The following MAST4 variants were observed in gnomAD, a reference collection of about 807,000 sequenced individuals.
The protein encoded by MAST4 is microtubule associated serine/threonine kinase family member 4, also known as microtubule-associated serine/threonine-protein kinase 4.
A neutral mutation model predicts 162.7 loss-of-function variants in MAST4; 89 were observed. The ratio of observed to expected loss-of-function variants is 0.55; its 90% CI spans 0.46 to 0.65. MAST4 has a LOEUF of 0.65. Among genes scored for constraint, MAST4 ranks in the 30% least tolerant of loss-of-function variants. The pLI is 0.00. For synonymous variants in MAST4, 1,479 were observed against 1,361.1 expected, an observed-to-expected ratio of 1.09 and a Z score of -1.91; for missense variants, 3,153 against 3,374.0, an observed-to-expected ratio of 0.93 and a Z score of 1.62.
chr5:66,954,857 C>T (rs769833493), intron 4 of MAST4, among the ~76,000 whole-genome samples: 11 of 150,432 alleles, frequency 7.3e-5, no homozygotes, highest in East Asian at 3.9e-4. Context: ...GCCGAGATCA[C>T]GCTACTGCAC....
rs540132796 is a variant in MAST4 at position 66,895,470 on chromosome 5, C to T, written c.643-4481C>T. ...CTAGTTGCCTGTTTGGAATCTTCTA[C>T]TTGGAATTCTTACAGACAGACATCT... On this transcript the variant is annotated intron_variant, in intron 3 of 28. Coordinates refer to ENST00000403625, the MANE Select transcript of MAST4 (RefSeq NM_001164664.2). 3.3e-4 allele frequency among the ~76,000 whole-genome samples: 50 copies of T among 152,192 alleles called. No individual in the cohort carries two copies. The South Asian group carries it at 0.01, about 31-fold the overall frequency.
intron 1 of MAST4, among the ~76,000 whole-genome samples, chr5:66,614,961 C>G (rs1220729918): frequency 2.0e-5 from 3 of 152,186 alleles, no homozygotes; most frequent in Non-Finnish European, 4.4e-5. Context: ...AAATCTGGGT[C>G]TTTCACTTTG....
intron 15 of MAST4, among the ~76,000 whole-genome samples, 174 bp downstream of exon 15, chr5:67,130,592 C>T (rs1179387052): frequency 6.6e-6 from 1 of 152,154 alleles, no homozygotes; most frequent in Non-Finnish European, 1.5e-5. Context: ...TGTAAAGTGC[C>T]TGCTCTACTA....
chr5:66,749,823 AC>A (rs1753024014), intron 1 of MAST4, among the ~76,000 whole-genome samples: 1 of 152,226 alleles, frequency 6.6e-6, no homozygotes, highest in South Asian at 2.1e-4. Context: ...TGGGCTTGTA[AC>A]CACTGTGGAA....
intron 4 of MAST4, among the ~76,000 whole-genome samples, chr5:66,970,545 C>T: frequency 6.6e-6 from 1 of 152,312 alleles, no homozygotes. Flanking sequence ...TAGACACCTA[C>T]ATGTTCCAGG....
chr5:66,868,629 T>A (rs1760710255), intron 3 of MAST4, among the ~76,000 whole-genome samples: 1 of 152,096 alleles, frequency 6.6e-6, no homozygotes, highest in South Asian at 2.1e-4. Context: ...CATATGCAAT[T>A]TATTAAATGA....
chr5:66,631,525 GA>G (rs1561225506), intron 1 of MAST4, among the ~76,000 whole-genome samples: 1 of 152,146 alleles, frequency 6.6e-6, no homozygotes, highest in Non-Finnish European at 1.5e-5. Context: ...TGAGCTGTGG[GA>G]AAACAGAGTT....
chr5:66,980,149 A>G (rs957464714), intron 4 of MAST4, among the ~76,000 whole-genome samples: 10 of 152,186 alleles, frequency 6.6e-5, no homozygotes, highest in Non-Finnish European at 1.3e-4. Flanking sequence ...GATGAAATTT[A>G]CTGTCTCTTG....
chr5:66,688,587 A>G (rs1161452569), intron 1 of MAST4, among the ~76,000 whole-genome samples: 1 of 152,198 alleles, frequency 6.6e-6, no homozygotes, highest in Non-Finnish European at 1.5e-5. Flanking sequence ...CTTGGACAAG[A>G]AAAGTACCAA....
At chr5:66,881,469 T>C (rs888936778) in intron 3 of MAST4, among the ~76,000 whole-genome samples, 3 of 152,252 alleles carry the variant, frequency 2.0e-5, no homozygotes, top group African/African-American at 7.2e-5. Context: ...AATGCAGTTA[T>C]TTTTCTCCTA....
chr5:66,638,620 T>C (rs1437288352), intron 1 of MAST4, among the ~76,000 whole-genome samples: 1 of 152,242 alleles, frequency 6.6e-6, no homozygotes, highest in Non-Finnish European at 1.5e-5. Context: ...TACCATACTT[T>C]AAATAATTTT....
intron 1 of MAST4, among the ~76,000 whole-genome samples, chr5:66,680,433 C>T (rs1748255272): frequency 6.6e-6 from 1 of 152,182 alleles, no homozygotes; most frequent in African/African-American, 2.4e-5. Context: ...ACAGTCCCCT[C>T]TGTGTCTGCT....
intron 4 of MAST4, among the ~76,000 whole-genome samples, chr5:66,995,910 CACAA>C (rs1750582417): frequency 6.6e-6 from 1 of 151,688 alleles, no homozygotes; most frequent in South Asian, 2.1e-4. Context: ...CACACACACA[CACAA>C]ACTTGTAAAA....
chr5:66,965,208 TTTTTTTTTTTTTTTTGC>T (rs1422479416), intron 4 of MAST4, among the ~76,000 whole-genome samples: 41 of 94,098 alleles, frequency 4.4e-4, no homozygotes, highest in African/African-American at 1.2e-3. Context: ...ATAAGAGTAG[TTTTTTTTTTTTTTTTGC>T]TTTTTTTTTT....
intron 3 of MAST4, among the ~76,000 whole-genome samples, chr5:66,877,609 C>CG (rs140676866): frequency 0.014 from 2,152 of 152,276 alleles, 44 homozygotes; most frequent in African/African-American, 0.049. Context: ...ACCACCGGCA[C>CG]GGGCCTGGCA....
intron 2 of MAST4, among the ~76,000 whole-genome samples, chr5:66,769,595 C>T (rs772027524): frequency 4.6e-5 from 7 of 152,312 alleles, no homozygotes; most frequent in Non-Finnish European, 8.8e-5. Context: ...GTACTGCATA[C>T]TGCAGGCAAC....
intron 18 of MAST4, among the ~76,000 whole-genome samples, chr5:67,134,935 T>A (rs761922995): frequency 6.6e-6 from 1 of 152,160 alleles, no homozygotes; most frequent in Non-Finnish European, 1.5e-5. Flanking sequence ...AACAAAACCA[T>A]TTTTTATAGT....
At chr5:67,111,724 C>G (rs777644949) in intron 11 of MAST4, among the ~76,000 whole-genome samples, 12 of 152,100 alleles carry the variant, frequency 7.9e-5, no homozygotes, top group Non-Finnish European at 1.6e-4. Flanking sequence ...TTCTGGACAA[C>G]AGCAGATATA....
At chr5:66,859,671 G>A (rs1280818178) in intron 3 of MAST4, among the ~76,000 whole-genome samples, 1 of 152,236 alleles carries the variant, frequency 6.6e-6, no homozygotes, top group Non-Finnish European at 1.5e-5. Context: ...TGAGGAAGCT[G>A]GGTGAAGGCT....
Sources: gnomAD v4.1 joint callset for allele counts (sites outside exome capture counted in the v4.1 genomes callset) on GRCh38, gnomAD v4.1.1 for gene constraint, MANE v1.5 for transcripts, NCBI Gene and HGNC (gene_info 2026-07-23, HGNC 2026-07-21) for gene names.